Variants in KLRG1 observed in about 807,000 individuals in gnomAD.
The protein encoded by KLRG1 is killer cell lectin like receptor G1.
A neutral mutation model predicts 21.8 loss-of-function variants in KLRG1; 16 were observed. The observed-to-expected ratio is 0.73, with a 90% CI of 0.50 to 1.11. The LOEUF (loss-of-function observed/expected upper bound fraction) is 1.11. Ranked by LOEUF, KLRG1 falls within the 50% of genes most tolerant of loss-of-function variation. KLRG1 has a pLI of 0.00. For missense variants in KLRG1, 173 were observed against 218.3 expected, an observed-to-expected ratio of 0.79 and a Z score of 1.31; for synonymous variants, 69 against 75.9, an observed-to-expected ratio of 0.91 and a Z score of 0.47.
At chr12:9,013,752 C>T (rs1434855293), downstream of KLRG1, among the ~76,000 whole-genome samples, 1 of 151,984 alleles carries the variant, frequency 6.6e-6, no homozygotes, top group Non-Finnish European at 1.5e-5. Context: ...AATTACCTCC[C>T]ACCAGGTACC....
the KLRG1 span, chr12:9,166,126 T>G: frequency 3.1e-5 from 50 of 1,613,962 alleles, no homozygotes; most frequent in Non-Finnish European, 4.0e-5. Context: ...GCCCTGAACT[T>G]TGTTCATTAT....
the KLRG1 span, among the ~76,000 whole-genome samples, chr12:9,137,361 G>T: frequency 5.3e-5 from 8 of 151,994 alleles, no homozygotes; most frequent in East Asian, 1.3e-3. Context: ...TTATTCCTGA[G>T]ATCTCTATTC....
rs1385954642 is a variant in KLRG1, at chr12:8,992,274, C to A, written c.151C>A (p.Leu51Met). The A allele has an allele frequency of 1.2e-6, 2 of 1,613,872 alleles. No individual in the cohort carries two copies. The highest frequency in any genetic ancestry group is 1.7e-5 in the Admixed American group (1 of 59,998). Residue 51 changes from leucine (L) to methionine (M), a missense_variant, in exon 2 of 5, where the codon CTG becomes ATG. This residue lies in a region of KLRG1 where 144 missense variants were observed against 161.5 expected (regional missense o/e 0.89). Transcript: ENST00000356986. ...IALGLLTAVLLSVLLYQWILC... is the reference protein window; with the variant it reads ...IALGLLTAVLMSVLLYQWILC... Reference sequence around the variant, plus strand: ...TTTGGGGCTTCTGACTGCAGTTCTTCTGAGTGTGCTGCTATACCAGTGGAT... The same window carrying A: ...TTTGGGGCTTCTGACTGCAGTTCTTATGAGTGTGCTGCTATACCAGTGGAT...
At chr12:9,186,773 T>G in the KLRG1 span, among the ~76,000 whole-genome samples, 1 of 150,162 alleles carries the variant, frequency 6.7e-6, no homozygotes, top group Non-Finnish European at 1.5e-5. Context: ...ACACCACATG[T>G]TCTCACTCAT....
At chr12:8,999,967 A>G (rs1392155695) in intron 3 of KLRG1, among the ~76,000 whole-genome samples, 1 of 152,124 alleles carries the variant, frequency 6.6e-6, no homozygotes, top group Non-Finnish European at 1.5e-5. Flanking sequence ...CCCCGGAGGC[A>G]GAGGTCTCAG....
chr12:8,960,294 T>C (rs1224672635), intron 1 of KLRG1, among the ~76,000 whole-genome samples: 1 of 151,954 alleles, frequency 6.6e-6, no homozygotes, highest in Non-Finnish European at 1.5e-5. Flanking sequence ...AGACTAAGAT[T>C]TGTGGGTCAG....
chr12:9,068,062 G>T, the KLRG1 span: 3 of 1,186,454 alleles, frequency 2.5e-6, no homozygotes, highest in Non-Finnish European at 2.4e-6. Flanking sequence ...CTATAATAAT[G>T]TGCAGTGTGA....
the KLRG1 span, chr12:9,135,536 A>G: frequency 1.7e-4 from 59 of 352,164 alleles, no homozygotes; most frequent in African/African-American, 1.3e-3. Flanking sequence ...TGTAAGGACG[A>G]ATTTCTCTTG....
chr12:9,144,183 G>C, the KLRG1 span, among the ~76,000 whole-genome samples: 1 of 151,224 alleles, frequency 6.6e-6, no homozygotes, highest in Non-Finnish European at 1.5e-5. Flanking sequence ...GAGAGAGAGA[G>C]AGACAGAGAG....
At chr12:8,969,905 C>T (rs1240465557) in intron 1 of KLRG1, among the ~76,000 whole-genome samples, 1 of 152,100 alleles carries the variant, frequency 6.6e-6, no homozygotes, top group African/African-American at 2.4e-5. Context: ...TGCTTGAGCC[C>T]AGGAGTTTGA....
At chr12:9,055,001 A>G in the KLRG1 span, among the ~76,000 whole-genome samples, 3,378 of 152,310 alleles carry the variant, frequency 0.022, 115 homozygotes, top group African/African-American at 0.076. Flanking sequence ...AGTATTTTGG[A>G]TAAGGGATAC....
chr12:9,142,708 T>C, the KLRG1 span, among the ~76,000 whole-genome samples: 2 of 152,252 alleles, frequency 1.3e-5, no homozygotes, highest in Non-Finnish European at 2.9e-5. Flanking sequence ...AATTGGATTA[T>C]TGGCCTTTGG....
the KLRG1 span, among the ~76,000 whole-genome samples, chr12:9,123,844 CTT>C: frequency 7.1e-6 from 1 of 141,482 alleles, no homozygotes. Context: ...AATTCAATGG[CTT>C]TTTTTTTTTC....
intron 1 of KLRG1, among the ~76,000 whole-genome samples, chr12:8,953,504 C>T (rs1183399766): frequency 2.6e-5 from 4 of 152,084 alleles, no homozygotes; most frequent in Admixed American, 2.0e-4. Context: ...GTTTTTAATC[C>T]GGTCCATGGA....
chr12:9,096,586 C>G, the KLRG1 span, among the ~76,000 whole-genome samples: 2 of 152,134 alleles, frequency 1.3e-5, no homozygotes, highest in African/African-American at 4.8e-5. Context: ...AAATTCTAGG[C>G]ATGATGCTTT....
intron 1 of KLRG1, among the ~76,000 whole-genome samples, chr12:8,971,690 C>T (rs1026756503): frequency 2.0e-5 from 3 of 152,056 alleles, no homozygotes; most frequent in Admixed American, 1.3e-4. Context: ...GGGGTTTCAC[C>T]ATGTTGGCCA....
chr12:9,077,536 C>T, the KLRG1 span: 1 of 1,449,598 alleles, frequency 6.9e-7, no homozygotes, highest in Non-Finnish European at 9.5e-7. Flanking sequence ...CCCTATAGGG[C>T]AAAGTATCAC....
the KLRG1 span, among the ~76,000 whole-genome samples, chr12:9,085,693 A>G: frequency 6.6e-6 from 1 of 152,076 alleles, no homozygotes; most frequent in Non-Finnish European, 1.5e-5. Flanking sequence ...CTAGAAAAAG[A>G]ATACAAAAGA....
chr12:9,127,919 T>G, the KLRG1 span: 1 of 343,626 alleles, frequency 2.9e-6, no homozygotes, highest in Admixed American at 3.3e-5. Context: ...GGGACAAGAT[T>G]CTTGGTGTCA....
Sources: allele counts gnomAD v4.1 joint callset (sites outside exome capture counted in the v4.1 genomes callset), GRCh38; gene constraint gnomAD v4.1.1; regional missense constraint gnomAD v4.1.1; transcripts MANE v1.5; gene names NCBI Gene and HGNC (gene_info 2026-07-23, HGNC 2026-07-21).